The following SGCZ variants were observed in gnomAD, a reference collection of about 807,000 sequenced individuals.
SGCZ encodes sarcoglycan zeta.
SGCZ carries 40 observed loss-of-function variants against 41.3 expected under a neutral mutation model. The observed-to-expected ratio is 0.97, with a 90% CI of 0.75 to 1.26. The LOEUF (loss-of-function observed/expected upper bound fraction) is 1.26, where lower values mean the gene tolerates loss of function less well. SGCZ is among the 50% of genes most tolerant of loss of function. SGCZ has a pLI of 0.00. For missense variants in SGCZ, 552 were observed against 369.8 expected (o/e 1.49, Z -4.04); for synonymous variants, 206 against 137.5 (o/e 1.50, Z -3.49).
chr8:14,589,856 G>A (rs749586792), intron 1 of SGCZ, among the ~76,000 whole-genome samples: 3 of 152,064 alleles, frequency 2.0e-5, no homozygotes, highest in Admixed American at 1.3e-4. Context: ...GAAATCTTCC[G>A]TATTTTGCCC....
intron 1 of SGCZ, among the ~76,000 whole-genome samples, chr8:14,892,483 G>T (rs988099674): frequency 6.6e-6 from 1 of 152,120 alleles, no homozygotes; most frequent in Non-Finnish European, 1.5e-5. Context: ...TAGCAAGCAG[G>T]AAAAATTTAT....
intron 3 of SGCZ, among the ~76,000 whole-genome samples, chr8:14,268,838 G>T (rs1054433691): frequency 6.6e-6 from 1 of 151,708 alleles, no homozygotes; most frequent in Non-Finnish European, 1.5e-5. Context: ...AATTCTTGAA[G>T]TATGTTAAAA....
At chr8:14,306,911 A>G (rs1178932514) in intron 3 of SGCZ, among the ~76,000 whole-genome samples, 6 of 152,226 alleles carry the variant, frequency 3.9e-5, no homozygotes, top group Non-Finnish European at 8.8e-5. Flanking sequence ...GCAGACAGAA[A>G]ATGATACTTT....
At chr8:14,172,350 C>T (rs1243410820) in intron 4 of SGCZ, among the ~76,000 whole-genome samples, 1 of 152,130 alleles carries the variant, frequency 6.6e-6, no homozygotes. Flanking sequence ...AGCACTGCCT[C>T]ACCTTTCATT....
At chr8:15,151,467 A>G (rs534079408) in intron 1 of SGCZ, among the ~76,000 whole-genome samples, 1 of 152,210 alleles carries the variant, frequency 6.6e-6, no homozygotes, top group African/African-American at 2.4e-5. Flanking sequence ...TATCAGTGAA[A>G]AGTTGGAAAA....
intron 1 of SGCZ, among the ~76,000 whole-genome samples, chr8:15,012,964 T>A (rs1029818501): frequency 2.0e-5 from 3 of 151,988 alleles, no homozygotes; most frequent in African/African-American, 4.8e-5. Flanking sequence ...TTTAAAGTTA[T>A]CTTGCTCTTA....
At chr8:15,043,104 A>G (rs559529157) in intron 1 of SGCZ, among the ~76,000 whole-genome samples, 17 of 152,330 alleles carry the variant, frequency 1.1e-4, no homozygotes, top group African/African-American at 3.6e-4. Context: ...ATGGTTTACA[A>G]CAGCATCCTC....
chr8:14,542,155 T>C (rs2117153849), intron 2 of SGCZ, among the ~76,000 whole-genome samples: 1 of 152,238 alleles, frequency 6.6e-6, no homozygotes, highest in South Asian at 2.1e-4. Context: ...ATTTGTCAAT[T>C]TTGGCTTTTG....
At chr8:14,498,142 A>G (rs988285823) in intron 2 of SGCZ, among the ~76,000 whole-genome samples, 8 of 152,184 alleles carry the variant, frequency 5.3e-5, no homozygotes, top group African/African-American at 1.4e-4. Flanking sequence ...TTGAATGTCA[A>G]TAATAATCAC....
intron 1 of SGCZ, among the ~76,000 whole-genome samples, chr8:14,888,829 T>G (rs1804904382): frequency 6.6e-6 from 1 of 152,190 alleles, no homozygotes; most frequent in Admixed American, 6.5e-5. Context: ...TAAACATTAT[T>G]TTTTCACACA....
At chr8:14,658,893 A>G (rs1310226542) in intron 1 of SGCZ, among the ~76,000 whole-genome samples, 2 of 152,018 alleles carry the variant, frequency 1.3e-5, no homozygotes, top group Admixed American at 6.6e-5. Context: ...AGAAAGAAAG[A>G]AAAAAATGAG....
chr8:14,931,344 C>T (rs1799917820), intron 1 of SGCZ, among the ~76,000 whole-genome samples: 1 of 151,950 alleles, frequency 6.6e-6, no homozygotes. Context: ...TTGATCTATT[C>T]TTGAGTTCCT....
At chr8:14,629,432 G>T (rs1293578626) in intron 1 of SGCZ, among the ~76,000 whole-genome samples, 1 of 152,034 alleles carries the variant, frequency 6.6e-6, no homozygotes, top group Non-Finnish European at 1.5e-5. Context: ...CATTTATAAT[G>T]TACAAACAGA....
chr8:15,174,231 A>C (rs1461088526), intron 1 of SGCZ, among the ~76,000 whole-genome samples: 1 of 152,228 alleles, frequency 6.6e-6, no homozygotes, highest in Non-Finnish European at 1.5e-5. Context: ...CTAAACTGTT[A>C]CATCATGTAG....
In SGCZ at chr8:14,087,565, T is replaced by A. The variant is rs1198978232; in HGVS notation, c.*2878A>T. 6.6e-6 allele frequency among the ~76,000 whole-genome samples: 1 copy of A among 151,662 alleles called. No homozygotes were observed. The highest frequency in any genetic ancestry group is 1.5e-5 in the Non-Finnish European group (1 of 67,740). On this transcript the variant is annotated 3_prime_UTR_variant, in exon 8 of 8. Transcript: ENST00000382080. ...TTAGTCGCATCCATGTAGTACACTA[T>A]AAAGGACTCATTTTTCTCAGTGTCA...
chr8:14,413,438 A>G (rs969758885), intron 2 of SGCZ, among the ~76,000 whole-genome samples: 5 of 152,068 alleles, frequency 3.3e-5, no homozygotes, highest in African/African-American at 4.8e-5. Flanking sequence ...GCAAGGAAAG[A>G]GTTCTTTCCT....
chr8:15,090,592 T>C (rs549164622), intron 1 of SGCZ, among the ~76,000 whole-genome samples: 25 of 152,270 alleles, frequency 1.6e-4, no homozygotes, highest in African/African-American at 6.0e-4. Flanking sequence ...TATGCTCTCA[T>C]GTTAGTAATT....
At chr8:14,589,625 A>T (rs1013104890) in intron 1 of SGCZ, among the ~76,000 whole-genome samples, 1 of 152,128 alleles carries the variant, frequency 6.6e-6, no homozygotes, top group Non-Finnish European at 1.5e-5. Flanking sequence ...GACTAATCTA[A>T]ACTTTATTAT....
intron 1 of SGCZ, among the ~76,000 whole-genome samples, chr8:14,983,948 A>T (rs1381993871): frequency 1.3e-5 from 2 of 152,180 alleles, no homozygotes; most frequent in East Asian, 3.8e-4. Context: ...AGGTTGTTTC[A>T]ACCAATACTC....
Sources: gnomAD v4.1 joint callset for allele counts (sites outside exome capture counted in the v4.1 genomes callset) on GRCh38, gnomAD v4.1.1 for gene constraint, MANE v1.5 for transcripts, NCBI Gene and HGNC (gene_info 2026-07-23, HGNC 2026-07-21) for gene names.